The following USP16 variants were observed in gnomAD, a reference collection of about 807,000 sequenced individuals.
The protein encoded by USP16 is ubiquitin specific peptidase 16, also known as ubiquitin carboxyl-terminal hydrolase 16.
USP16 carries 77 observed loss-of-function variants against 95.9 expected under a neutral mutation model. That is an observed-to-expected ratio of 0.80 (90% CI 0.67 to 0.97). The LOEUF is 0.97. Ranked by LOEUF, USP16 falls within the 50% of genes least tolerant of loss-of-function variation. The probability of loss-of-function intolerance (pLI) is 0.00; values close to 1 mark genes in which losing one functional copy is unlikely to be tolerated. For synonymous variants in USP16, 303 were observed against 318.2 expected, an observed-to-expected ratio of 0.95 and a Z score of 0.51; for missense variants, 943 against 959.9, an observed-to-expected ratio of 0.98 and a Z score of 0.23.
rs374389635 is a variant in USP16, at chr21:29,039,585, C to T, written c.951+17C>T. ...GAACACCAAGTTAGCATGTTATGAC[C>T]ATTGTATTTTATGATCTTATCTTCA... On this transcript the variant is annotated intron_variant, in intron 9 of 17. Coordinates refer to ENST00000399976, the MANE Select transcript of USP16 (RefSeq NM_006447.3). 2 of 1,604,798 alleles carry T rather than the reference C, an allele frequency of 1.2e-6. No individual in the cohort carries two copies. The highest frequency in any genetic ancestry group is 1.7e-6 in the Non-Finnish European group (2 of 1,173,504).
intron 3 of USP16, among the ~76,000 whole-genome samples, chr21:29,033,731 A>G (rs918606497): frequency 1.3e-5 from 2 of 152,234 alleles, no homozygotes; most frequent in Non-Finnish European, 2.9e-5. Flanking sequence ...GAAAGGATAT[A>G]AATATCAATA....
chr21:29,042,165 T>C, intron 11 of USP16, 61 bp downstream of exon 11: 3 of 1,447,710 alleles, frequency 2.1e-6, no homozygotes, highest in Non-Finnish European at 9.5e-7. Context: ...ATCAATTGTT[T>C]ATTTCAAAAG....
chr21:29,030,832 G>A (rs1370046374), intron 3 of USP16, 59 bp downstream of exon 3: 1 of 1,536,502 alleles, frequency 6.5e-7, no homozygotes, highest in Non-Finnish European at 8.7e-7. Context: ...ACTTACTTTA[G>A]AAGGTATTAC....
chr21:29,025,783 T>C, intron 1 of USP16: 1 of 960,920 alleles, frequency 1.0e-6, no homozygotes, highest in Non-Finnish European at 1.2e-6. Context: ...TACTATTCTA[T>C]TTTTCTATTT....
chr21:29,046,983 A>G lies in USP16; in HGVS notation c.1673A>G (p.Asn558Ser), dbSNP rs1601069333. Residue 558 changes from asparagine (N) to serine (S), a missense_variant, in exon 14 of 18, where the codon AAT becomes AGT. Transcript: ENST00000399976. ...VLTSSPTRNL[N>S]GAYLTEGSNG... ...ACATCTTCTCCCACTAGGAATTTAA[A>G]TGGTGCCTACCTAACGGAAGGGAGC... 8.1e-6 allele frequency: 13 copies of G among 1,614,148 alleles called. No individual in the cohort carries two copies. The highest frequency in any genetic ancestry group is 9.3e-6 in the Non-Finnish European group (11 of 1,180,030).
intron 6 of USP16, among the ~76,000 whole-genome samples, chr21:29,037,714 T>C: frequency 6.6e-6 from 1 of 150,606 alleles, no homozygotes; most frequent in East Asian, 2.0e-4. Context: ...GCCTCCAGAG[T>C]AGCTGGGACT....
intron 16 of USP16, among the ~76,000 whole-genome samples, chr21:29,051,478 T>A (rs1347795256): frequency 6.6e-6 from 1 of 151,952 alleles, no homozygotes; most frequent in Admixed American, 6.6e-5. Flanking sequence ...AGTATCTGAG[T>A]GGAAGAGGCA....
chr21:29,031,549 C>T (rs1316163506), intron 3 of USP16, among the ~76,000 whole-genome samples: 2 of 152,124 alleles, frequency 1.3e-5, no homozygotes, highest in African/African-American at 2.4e-5. Flanking sequence ...AGCAGTTTTC[C>T]TGCCTCAGTC....
chr21:29,036,471 G>A, intron 5 of USP16, 97 bp downstream of exon 5: 1 of 1,143,670 alleles, frequency 8.7e-7, no homozygotes, highest in South Asian at 1.4e-5. Context: ...ATACAGCTGA[G>A]TAACATTAGT....
In USP16 at chr21:29,025,021, G is replaced by A; in HGVS notation, c.-42+244G>A. 8 of 316,966 alleles carry A rather than the reference G, an allele frequency of 2.5e-5. 1 individual carries two copies. The highest frequency in any genetic ancestry group is 2.3e-4 in the South Asian group (8 of 35,084). 19.6% of individuals were successfully genotyped at this position (316,966 alleles called of 1,614,324 possible). A position where few individuals can be genotyped will look rare whatever the true frequency, so the allele number is the denominator to read the frequency against. ...CGTGGACCCAGAGGTTCCCCCGTGG[G>A]ATCGGAGCAGTTAGAAGGGGAGGAG... On this transcript the variant is annotated intron_variant, in intron 1 of 17. Coordinates refer to ENST00000399976, the MANE Select transcript of USP16 (RefSeq NM_006447.3).
intron 14 of USP16, 86 bp from the exon 15 acceptor site, chr21:29,048,675 T>C (rs2085367159): frequency 9.8e-7 from 1 of 1,025,192 alleles, no homozygotes; most frequent in Non-Finnish European, 1.4e-6. Context: ...TTGCTTTAGA[T>C]GTTTGGAATG....
chr21:29,033,841 A>T (rs999920387), intron 3 of USP16, among the ~76,000 whole-genome samples: 1 of 152,232 alleles, frequency 6.6e-6, no homozygotes, highest in Non-Finnish European at 1.5e-5. Flanking sequence ...CTCATCTGGG[A>T]GATAAGTATA....
At chr21:29,032,253 G>T (rs780555829) in intron 3 of USP16, among the ~76,000 whole-genome samples, 4 of 151,670 alleles carry the variant, frequency 2.6e-5, no homozygotes, top group Non-Finnish European at 5.9e-5. Flanking sequence ...TTTTTTTGAG[G>T]CAGGGTCTCA....
At position 29,054,260 on chromosome 21, in the gene USP16, C is replaced by A; in HGVS notation, c.*73C>A. The A allele has an allele frequency of 6.6e-7, 1 of 1,509,026 alleles. No individual in the cohort carries two copies. Among genetic ancestry groups the A allele is most frequent in the Non-Finnish European group, 9.0e-7 (1 of 1,106,438 alleles). The allele number at this position is 1,509,026 out of a possible 1,614,324, so 93.5% of individuals were successfully genotyped here. Reference sequence around the variant, plus strand: ...TGGCTGAAATAACGATAAAAAAAGACTAATTAAAATCATGTTCACTTAACA... The same window carrying A: ...TGGCTGAAATAACGATAAAAAAAGAATAATTAAAATCATGTTCACTTAACA... On this transcript the variant is annotated 3_prime_UTR_variant, in exon 18 of 18. Coordinates refer to ENST00000399976, the MANE Select transcript of USP16 (RefSeq NM_006447.3).
chr21:29,027,310 G>A (rs771667412), intron 1 of USP16, among the ~76,000 whole-genome samples: 2 of 152,192 alleles, frequency 1.3e-5, no homozygotes, highest in African/African-American at 2.4e-5. Context: ...TAGCTGATAC[G>A]CATAGGAAAT....
At chr21:29,041,776 CT>C (rs1402136068) in intron 10 of USP16, among the ~76,000 whole-genome samples, 1 of 152,184 alleles carries the variant, frequency 6.6e-6, no homozygotes, top group Non-Finnish European at 1.5e-5. Flanking sequence ...TGGATAAGGA[CT>C]TTTTTGTCTT....
At chr21:29,039,402 T>C in intron 8 of USP16, 79 bp from the exon 9 acceptor site, 9 of 1,463,248 alleles carry the variant, frequency 6.2e-6, no homozygotes, top group Non-Finnish European at 8.4e-6. Flanking sequence ...ATTTGGGATA[T>C]GATCCTAAGA....
rs2085204011 is a variant in USP16 at position 29,039,031 on chromosome 21, A to G, written c.738A>G (p.Pro246=). 2.6e-6 allele frequency: 4 copies of G among 1,532,248 alleles called. No homozygotes were observed. Among genetic ancestry groups the G allele is most frequent in the African/African-American group, 1.4e-5 (1 of 70,844 alleles). The allele number at this position is 1,532,248 out of a possible 1,614,324, so 94.9% of individuals were successfully genotyped here. ...ATTTCTTTTCCCATATTCAGGAACC[A>G]TTAGAAATAAACCTTGAGCCTCCAG... ...IEPPDLALTE[P]LEINLEPPGP... is the part of the protein sequence containing the mutation. Residue 246 remains proline, a synonymous_variant, in exon 8 of 18, where the codon CCA becomes CCG. Transcript: ENST00000399976.
intron 5 of USP16, among the ~76,000 whole-genome samples, chr21:29,036,759 A>G (rs2085163047): frequency 6.6e-6 from 1 of 152,232 alleles, no homozygotes; most frequent in Non-Finnish European, 1.5e-5. Flanking sequence ...GATATTTCTT[A>G]GGTTCTTTCC....
Sources: gnomAD v4.1 joint callset for allele counts (sites outside exome capture counted in the v4.1 genomes callset) on GRCh38, gnomAD v4.1.1 for gene constraint, MANE v1.5 for transcripts, NCBI Gene and HGNC (gene_info 2026-07-23, HGNC 2026-07-21) for gene names.